The following ROBO2 variants were observed in gnomAD, a reference collection of about 807,000 sequenced individuals.
ROBO2 encodes the protein roundabout guidance receptor 2.
A neutral mutation model predicts 160.8 loss-of-function variants in ROBO2; 53 were observed. The ratio of observed to expected loss-of-function variants is 0.33; its 90% CI spans 0.26 to 0.41. ROBO2 has a LOEUF of 0.41. Ranked by LOEUF, ROBO2 falls within the 10% of genes least tolerant of loss-of-function variation. The pLI, the probability that ROBO2 is intolerant of heterozygous loss-of-function variation, is 1.00. For missense variants in ROBO2, 1,577 were observed against 1,722.4 expected (o/e 0.92, Z 1.49); for synonymous variants, 664 against 611.7 (o/e 1.09, Z -1.26).
At chr3:76,625,213 G>T (rs1390282459) in intron 2 of ROBO2, among the ~76,000 whole-genome samples, 1 of 151,668 alleles carries the variant, frequency 6.6e-6, no homozygotes, top group Non-Finnish European at 1.5e-5. Context: ...TTTAGCCAAA[G>T]AAATCATAAA....
At chr3:76,211,212 A>C (rs950869288) in intron 2 of ROBO2, among the ~76,000 whole-genome samples, 3 of 152,012 alleles carry the variant, frequency 2.0e-5, no homozygotes, top group Non-Finnish European at 4.4e-5. Flanking sequence ...CTTTCTGTAC[A>C]ATTTTCCATT....
intron 2 of ROBO2, among the ~76,000 whole-genome samples, chr3:76,812,345 G>GAAAAAA (rs199902883): frequency 1.1e-5 from 1 of 94,462 alleles, no homozygotes; most frequent in Non-Finnish European, 2.2e-5. Context: ...AAAGCTATTT[G>GAAAAAA]AAAAAAAAAA....
chr3:76,432,891 G>A (rs775456106), intron 2 of ROBO2, among the ~76,000 whole-genome samples: 35 of 150,062 alleles, frequency 2.3e-4, no homozygotes, highest in Non-Finnish European at 4.6e-4. Context: ...AGGAATGAAG[G>A]AAAAAAAGGG....
At chr3:76,088,744 C>T (rs1022375657) in intron 2 of ROBO2, among the ~76,000 whole-genome samples, 4 of 151,748 alleles carry the variant, frequency 2.6e-5, no homozygotes, top group African/African-American at 9.7e-5. Flanking sequence ...TTTACAGCAT[C>T]GAATGAATGT....
chr3:77,462,439 G>C (rs2082340164), intron 2 of ROBO2, among the ~76,000 whole-genome samples: 1 of 152,122 alleles, frequency 6.6e-6, no homozygotes. Flanking sequence ...CTCAAGTTAA[G>C]GCCATGCTTA....
intron 2 of ROBO2, among the ~76,000 whole-genome samples, chr3:76,163,544 T>C (rs2072718461): frequency 6.7e-6 from 1 of 149,568 alleles, no homozygotes; most frequent in African/African-American, 2.4e-5. Context: ...ATGAATATAT[T>C]TGAATTATAT....
At chr3:75,998,259 T>C (rs1476606995) in intron 2 of ROBO2, among the ~76,000 whole-genome samples, 1 of 152,224 alleles carries the variant, frequency 6.6e-6, no homozygotes, top group Non-Finnish European at 1.5e-5. Flanking sequence ...TTTCTGAATG[T>C]GTTTTGTTAA....
At position 76,762,784 on chromosome 3, in the gene ROBO2, C is replaced by T. The variant is rs76946976; in HGVS notation, c.110-335230C>T. ...AGAGGCTCTACAGTGCCTAAATGGG[C>T]AAGTGTATCGCACTGAGGAAAAAGA... On this transcript the variant is annotated intron_variant, in intron 2 of 26. Coordinates refer to the ROBO2 transcript ENST00000487694. 5.0e-4 allele frequency among the ~76,000 whole-genome samples: 76 copies of T among 151,762 alleles called. 1 individual carries two copies. In the East Asian group the frequency reaches 0.015, roughly 29 times the overall value.
chr3:76,456,224 G>A (rs1011281066), intron 2 of ROBO2, among the ~76,000 whole-genome samples: 3 of 152,158 alleles, frequency 2.0e-5, no homozygotes, highest in African/African-American at 7.2e-5. Flanking sequence ...CTGGATGAAT[G>A]TTGCAACTGC....
At chr3:76,264,097 A>G (rs781673011) in intron 2 of ROBO2, among the ~76,000 whole-genome samples, 17 of 152,138 alleles carry the variant, frequency 1.1e-4, no homozygotes, top group Non-Finnish European at 2.1e-4. Flanking sequence ...GAGGGAGAGC[A>G]TTAGGAAAAA....
intron 2 of ROBO2, among the ~76,000 whole-genome samples, chr3:76,561,605 G>C (rs2084189429): frequency 6.6e-6 from 1 of 152,096 alleles, no homozygotes; most frequent in Non-Finnish European, 1.5e-5. Context: ...ATAGAACAAG[G>C]AAGCATTTGT....
At position 76,812,024 on chromosome 3, in the gene ROBO2, C is replaced by T. The variant is rs1028125435; in HGVS notation, c.110-285990C>T. ...TAGCTAGGACTATAGGTGCCCACCA[C>T]CATGCCCAGCTAATTTTTGTATTTT... On this transcript the variant is annotated intron_variant, in intron 2 of 26. Coordinates refer to the ROBO2 transcript ENST00000487694. Among the ~76,000 whole-genome samples, 61 of 151,956 alleles carry T rather than the reference C, an allele frequency of 4.0e-4. 2 individuals carry two copies. Among genetic ancestry groups the T allele is most frequent in the Admixed American group, 3.5e-3 (54 of 15,240 alleles).
chr3:76,055,449 G>A (rs1182208366), intron 2 of ROBO2, among the ~76,000 whole-genome samples: 2 of 152,156 alleles, frequency 1.3e-5, no homozygotes, highest in East Asian at 1.9e-4. Flanking sequence ...CACCCAAATA[G>A]TGAACATTAT....
At chr3:76,325,293 C>T (rs1410039886) in intron 2 of ROBO2, among the ~76,000 whole-genome samples, 1 of 152,058 alleles carries the variant, frequency 6.6e-6, no homozygotes, top group Admixed American at 6.5e-5. Context: ...GCAAAAAGAG[C>T]CAGTTAGCAG....
At chr3:76,964,088 C>G (rs7637425) in intron 2 of ROBO2, among the ~76,000 whole-genome samples, 102,119 of 151,818 alleles carry the variant, frequency 0.67, 34,506 homozygotes, top group African/African-American at 0.72. Flanking sequence ...ACAGATTAGA[C>G]AATGTGCCAT....
intron 2 of ROBO2, among the ~76,000 whole-genome samples, chr3:76,310,342 A>G (rs2071519914): frequency 6.6e-6 from 1 of 152,214 alleles, no homozygotes; most frequent in African/African-American, 2.4e-5. Flanking sequence ...CACGTTCCAG[A>G]AAGCCTTGGC....
intron 2 of ROBO2, among the ~76,000 whole-genome samples, chr3:76,607,099 G>A (rs554564735): frequency 9.1e-4 from 138 of 152,270 alleles, no homozygotes; most frequent in Middle Eastern, 3.4e-3. Flanking sequence ...CTAGAGCGCC[G>A]TGGCTAGTCA....
intron 2 of ROBO2, among the ~76,000 whole-genome samples, chr3:76,880,497 C>T (rs1470501879): frequency 6.6e-6 from 1 of 151,978 alleles, no homozygotes; most frequent in Non-Finnish European, 1.5e-5. Flanking sequence ...ATATGAAGAC[C>T]AAAGTGGTTT....
At chr3:76,099,688 C>G (rs1409063265) in intron 2 of ROBO2, among the ~76,000 whole-genome samples, 1 of 152,032 alleles carries the variant, frequency 6.6e-6, no homozygotes, top group Non-Finnish European at 1.5e-5. Flanking sequence ...TGTTAAAAAT[C>G]TGCAAAATTT....
Sources: gnomAD v4.1 joint callset for allele counts (sites outside exome capture counted in the v4.1 genomes callset) on GRCh38, gnomAD v4.1.1 for gene constraint, MANE v1.5 for transcripts, NCBI Gene and HGNC (gene_info 2026-07-23, HGNC 2026-07-21) for gene names.